BICDL1: variants seen among roughly 807,000 people sequenced by gnomAD.
The protein encoded by BICDL1 is BICD family-like cargo adapter 1.
A neutral mutation model predicts 76.8 loss-of-function variants in BICDL1; 20 were observed. That is an observed-to-expected ratio of 0.26 (90% confidence interval 0.18 to 0.38). The LOEUF (loss-of-function observed/expected upper bound fraction) is 0.38. Among genes scored for constraint, BICDL1 ranks in the 10% least tolerant of loss-of-function variants. The pLI is 1.00. For synonymous variants in BICDL1, 383 were observed against 337.1 expected (o/e 1.14, Z -1.49); for missense variants, 700 against 798.6 (o/e 0.88, Z 1.49).
intron 4 of BICDL1, among the ~76,000 whole-genome samples, chr12:120,070,901 T>C (rs1320213881): frequency 6.6e-6 from 1 of 151,582 alleles, no homozygotes; most frequent in Non-Finnish European, 1.5e-5. Context: ...CCAGCTAATT[T>C]TTGTATTTTA....
chr12:120,083,956 A>G (rs1874197448), intron 8 of BICDL1, among the ~76,000 whole-genome samples: 1 of 151,942 alleles, frequency 6.6e-6, no homozygotes, highest in Non-Finnish European at 1.5e-5. Context: ...CCCAGCCAAT[A>G]GTAATATTTA....
intron 2 of BICDL1, among the ~76,000 whole-genome samples, chr12:120,045,920 A>T (rs868002009): frequency 1.3e-5 from 2 of 150,982 alleles, no homozygotes; most frequent in Non-Finnish European, 1.5e-5. Flanking sequence ...AAAGTATTAT[A>T]ATAATAATAA....
intron 2 of BICDL1, among the ~76,000 whole-genome samples, chr12:120,005,002 T>C (rs985857992): frequency 3.3e-5 from 5 of 152,140 alleles, no homozygotes; most frequent in Admixed American, 6.6e-5. Context: ...TTGGTATTTT[T>C]AGTAGAAGCG....
intron 7 of BICDL1, among the ~76,000 whole-genome samples, chr12:120,078,276 C>G (rs1239839602): frequency 6.6e-6 from 1 of 152,242 alleles, no homozygotes; most frequent in Non-Finnish European, 1.5e-5. Flanking sequence ...AGCTCAAGGT[C>G]TGATCTAGCT....
chr12:120,060,130 G>A (rs1594182562), intron 2 of BICDL1, among the ~76,000 whole-genome samples: 1 of 152,226 alleles, frequency 6.6e-6, no homozygotes, highest in Non-Finnish European at 1.5e-5. Flanking sequence ...GCATTGGAAA[G>A]CAATTAGCAC....
intron 8 of BICDL1, among the ~76,000 whole-genome samples, chr12:120,081,266 G>A (rs1873959526): frequency 6.7e-6 from 1 of 148,600 alleles, no homozygotes; most frequent in Admixed American, 6.7e-5. Flanking sequence ...TGTAGGCAAT[G>A]TAGTTATTAT....
chr12:120,043,192 C>T (rs891836188), intron 2 of BICDL1, among the ~76,000 whole-genome samples: 3 of 152,160 alleles, frequency 2.0e-5, no homozygotes, highest in Non-Finnish European at 4.4e-5. Flanking sequence ...AGTGCTCCGA[C>T]CTAGAAAATG....
intron 2 of BICDL1, among the ~76,000 whole-genome samples, chr12:120,034,644 G>A (rs1952495562): frequency 6.6e-6 from 1 of 152,188 alleles, no homozygotes; most frequent in African/African-American, 2.4e-5. Context: ...GCTTAACTGG[G>A]TTCTCTGCTC....
intron 4 of BICDL1, among the ~76,000 whole-genome samples, chr12:120,066,778 T>G (rs568962784): frequency 1.3e-5 from 2 of 152,338 alleles, no homozygotes; most frequent in East Asian, 3.9e-4. Flanking sequence ...CTCCAGAAAG[T>G]CCTTTCTGTT....
intron 2 of BICDL1, among the ~76,000 whole-genome samples, chr12:120,029,866 C>G (rs1198085049): frequency 1.3e-5 from 2 of 152,156 alleles, no homozygotes; most frequent in Admixed American, 6.5e-5. Flanking sequence ...AGGCAGGCCT[C>G]AAACTCCTGA....
chr12:120,064,908 G>T, intron 4 of BICDL1, 29 bp downstream of exon 4: 3 of 1,573,244 alleles, frequency 1.9e-6, no homozygotes, highest in South Asian at 2.4e-5. Context: ...TGTCCTGCAG[G>T]ACTAGAGCCA....
At chr12:120,056,424 A>G (rs1205490422) in intron 2 of BICDL1, among the ~76,000 whole-genome samples, 5 of 152,158 alleles carry the variant, frequency 3.3e-5, no homozygotes, top group Non-Finnish European at 5.9e-5. Context: ...ATTTTCTGCT[A>G]TAAGAATGAA....
chr12:120,026,149 A>T (rs1267735590), intron 2 of BICDL1, among the ~76,000 whole-genome samples: 1 of 152,120 alleles, frequency 6.6e-6, no homozygotes, highest in Non-Finnish European at 1.5e-5. Flanking sequence ...ACATTTATTT[A>T]TTTAGAGTTT....
intron 8 of BICDL1, among the ~76,000 whole-genome samples, chr12:120,089,390 G>GGTGT (rs943341665): frequency 6.7e-6 from 1 of 148,800 alleles, no homozygotes; most frequent in African/African-American, 2.5e-5. Context: ...GTGTGTGTGT[G>GGTGT]GTGTGTGTGT....
intron 2 of BICDL1, among the ~76,000 whole-genome samples, chr12:120,000,773 C>A (rs955626431): frequency 1.3e-5 from 2 of 152,084 alleles, no homozygotes; most frequent in Non-Finnish European, 2.9e-5. Flanking sequence ...AACTGGGGGA[C>A]CTTGTTTGTG....
At chr12:120,075,541 C>T (rs1050261709) in intron 7 of BICDL1, among the ~76,000 whole-genome samples, 19 of 152,196 alleles carry the variant, frequency 1.2e-4, no homozygotes, top group African/African-American at 3.9e-4. Context: ...TACAGGCGTA[C>T]GCCACCATGC....
At position 119,989,480 on chromosome 12, in the gene BICDL1, G is replaced by GCAGCC; in HGVS notation, c.-389_-388insCAGCC. Among the ~76,000 whole-genome samples the GCAGCC allele has an allele frequency of 1.9e-5, 1 of 52,858 alleles. No homozygotes were observed. Among genetic ancestry groups the GCAGCC allele is most frequent in the African/African-American group, 8.6e-5 (1 of 11,668 alleles). The allele number at this position is 52,858 out of a possible 152,430, so 34.7% of individuals were successfully genotyped here. A position where few individuals can be genotyped will look rare whatever the true frequency, so the allele number is the denominator to read the frequency against. ...CGGCGGCGGCAGCAGCAGCAGCAGC[G>GCAGCC]GCAGCGGCAACAGGGCGGCTGAGAA... On this transcript the variant is annotated 5_prime_UTR_variant, in exon 1 of 10. It removes the in-frame stop codon of an upstream open reading frame in the 5' UTR. Transcript: ENST00000548673.
chr12:120,025,424 C>T (rs933813882), intron 2 of BICDL1, among the ~76,000 whole-genome samples: 1 of 152,138 alleles, frequency 6.6e-6, no homozygotes, highest in Non-Finnish European at 1.5e-5. Context: ...TGGTGTAGAC[C>T]ACGGGTCACA....
chr12:120,070,733 C>CTT (rs72233478), intron 4 of BICDL1, among the ~76,000 whole-genome samples: 90 of 141,856 alleles, frequency 6.3e-4, no homozygotes, highest in African/African-American at 1.7e-3. Flanking sequence ...TGGTATAACT[C>CTT]TTTTTTTTTT....
Sources: allele counts gnomAD v4.1 joint callset (sites outside exome capture counted in the v4.1 genomes callset), GRCh38; gene constraint gnomAD v4.1.1; transcripts MANE v1.5; gene names NCBI Gene and HGNC (gene_info 2026-07-23, HGNC 2026-07-21).